ADARB2: variants seen among roughly 807,000 people sequenced by gnomAD.
The protein encoded by ADARB2 is inactive double-stranded RNA-specific editase B2.
A neutral mutation model predicts 62.2 loss-of-function variants in ADARB2; 25 were observed. That is an observed-to-expected ratio of 0.40 (90% CI 0.29 to 0.56). ADARB2 has a LOEUF of 0.56. ADARB2 is among the 20% of genes least tolerant of loss of function. The pLI is 0.43. For synonymous variants in ADARB2, 572 were observed against 500.8 expected (o/e 1.14, Z -1.90); for missense variants, 1,071 against 1,077.4 (o/e 0.99, Z 0.08).
intron 2 of ADARB2, among the ~76,000 whole-genome samples, chr10:1,378,415 G>C (rs1564274307): frequency 6.6e-6 from 1 of 152,104 alleles, no homozygotes; most frequent in East Asian, 1.9e-4. Context: ...AAAAACAAAG[G>C]AAGGAGAGGA....
At chr10:1,241,087 C>T (rs935581244) in intron 5 of ADARB2, among the ~76,000 whole-genome samples, 7 of 152,070 alleles carry the variant, frequency 4.6e-5, no homozygotes, top group African/African-American at 1.2e-4. Context: ...GATGAAACCC[C>T]GTCTCTACTA....
At position 1,678,350 on chromosome 10, in the gene ADARB2, C is replaced by T. The variant is rs531368945; in HGVS notation, c.100+58701G>A. 6.5e-5 allele frequency: 64 copies of T among 985,020 alleles called. 1 individual carries two copies. The Admixed American group carries it at 2.4e-3, about 37-fold the overall frequency. 61.0% of individuals were successfully genotyped at this position (985,020 alleles called of 1,614,324 possible). Reference sequence around the variant, plus strand: ...TGAACATCCTCGGGGTGAGGGACCTCGGAGTGAGTGACCTCGGGGTGAGCA... The same window carrying T: ...TGAACATCCTCGGGGTGAGGGACCTTGGAGTGAGTGACCTCGGGGTGAGCA... On this transcript the variant is annotated intron_variant, in intron 1 of 9. Coordinates refer to ENST00000381312, the MANE Select transcript of ADARB2 (RefSeq NM_018702.4).
intron 4 of ADARB2, among the ~76,000 whole-genome samples, chr10:1,244,063 C>T (rs1417994336): frequency 1.3e-5 from 2 of 152,260 alleles, no homozygotes; most frequent in African/African-American, 4.8e-5. Flanking sequence ...CTCTCTCAGC[C>T]ATCCTGGGTG....
intron 1 of ADARB2, among the ~76,000 whole-genome samples, chr10:1,683,630 C>G (rs1365893904): frequency 6.6e-6 from 1 of 152,110 alleles, no homozygotes; most frequent in East Asian, 1.9e-4. Context: ...CCAGACTCAC[C>G]AGGTAACTGT....
At chr10:1,368,001 G>T (rs2131853229) in intron 2 of ADARB2, among the ~76,000 whole-genome samples, 1 of 152,322 alleles carries the variant, frequency 6.6e-6, no homozygotes, top group East Asian at 1.9e-4. Flanking sequence ...GGACACACCA[G>T]CTGGGCCCTC....
chr10:1,250,747 A>G (rs1298197350), intron 4 of ADARB2, among the ~76,000 whole-genome samples: 1 of 152,202 alleles, frequency 6.6e-6, no homozygotes, highest in Non-Finnish European at 1.5e-5. Context: ...TAAGATAGTT[A>G]TTTGTTTTTA....
intron 1 of ADARB2, among the ~76,000 whole-genome samples, chr10:1,537,837 A>C (rs11250602): frequency 6.6e-6 from 1 of 151,940 alleles, no homozygotes; most frequent in Non-Finnish European, 1.5e-5. Flanking sequence ...GGGGAGGGAC[A>C]GCATTAGGAC....
At chr10:1,399,425 A>G (rs955135667) in intron 1 of ADARB2, among the ~76,000 whole-genome samples, 3 of 150,694 alleles carry the variant, frequency 2.0e-5, no homozygotes, top group Admixed American at 2.0e-4. Context: ...GAATCTGGCC[A>G]ATCATATCTT....
At chr10:1,580,469 C>G (rs1833081189) in intron 1 of ADARB2, among the ~76,000 whole-genome samples, 1 of 147,284 alleles carries the variant, frequency 6.8e-6, no homozygotes, top group Non-Finnish European at 1.5e-5. Context: ...CTTCACGGGT[C>G]TTTCTTTCTG....
intron 1 of ADARB2, among the ~76,000 whole-genome samples, chr10:1,409,723 G>A (rs1472354799): frequency 8.3e-6 from 1 of 120,576 alleles, no homozygotes; most frequent in Non-Finnish European, 1.9e-5. Flanking sequence ...GTGGTCATGA[G>A]GAAGGATTCT....
At chr10:1,651,729 C>T (rs769268422) in intron 1 of ADARB2, among the ~76,000 whole-genome samples, 3 of 151,848 alleles carry the variant, frequency 2.0e-5, no homozygotes, top group South Asian at 2.1e-4. Flanking sequence ...ACTGCCTGAG[C>T]GTGGTGGGCG....
intron 3 of ADARB2, among the ~76,000 whole-genome samples, chr10:1,289,783 C>T (rs1316092962): frequency 2.6e-5 from 4 of 152,268 alleles, no homozygotes; most frequent in African/African-American, 7.2e-5. Flanking sequence ...CTTCACTCCA[C>T]GGTGGGTGTG....
At chr10:1,385,710 G>T (rs953747819) in intron 1 of ADARB2, among the ~76,000 whole-genome samples, 4 of 152,028 alleles carry the variant, frequency 2.6e-5, no homozygotes, top group African/African-American at 9.7e-5. Flanking sequence ...AAACTGTTAA[G>T]GTAGAAAATA....
intron 1 of ADARB2, among the ~76,000 whole-genome samples, chr10:1,542,150 C>G (rs1456469702): frequency 3.2e-5 from 1 of 31,302 alleles, no homozygotes; most frequent in East Asian, 1.1e-3. Flanking sequence ...CGTCCAGACC[C>G]CACTCAGACG....
chr10:1,348,287 G>C (rs1832099924), intron 3 of ADARB2, among the ~76,000 whole-genome samples: 1 of 152,176 alleles, frequency 6.6e-6, no homozygotes, highest in Non-Finnish European at 1.5e-5. Flanking sequence ...CTGTGCTCGT[G>C]GAAAGCTGAT....
rs1832818309 is a variant in ADARB2, at chr10:1,563,638, T to C, written c.100+173413A>G. Among the ~76,000 whole-genome samples, 3 of 151,104 alleles carry C rather than the reference T, an allele frequency of 2.0e-5. No individual in the cohort carries two copies. The South Asian group carries it at 6.3e-4, about 31-fold the overall frequency. On this transcript the variant is annotated intron_variant, in intron 1 of 9. Coordinates refer to ENST00000381312, the MANE Select transcript of ADARB2 (RefSeq NM_018702.4). ...ACATTTCATTTTACTTTTTTTTTTA[T>C]TATTATTATACTTTAAGTTTTAGGG...
chr10:1,331,080 A>G (rs1360781156), intron 3 of ADARB2, among the ~76,000 whole-genome samples: 1 of 152,188 alleles, frequency 6.6e-6, no homozygotes, highest in Non-Finnish European at 1.5e-5. Flanking sequence ...ATGAGACACC[A>G]TTTCACACCC....
chr10:1,288,413 T>C (rs1266918489), intron 3 of ADARB2, among the ~76,000 whole-genome samples: 1 of 152,230 alleles, frequency 6.6e-6, no homozygotes, highest in African/African-American at 2.4e-5. Context: ...GCGAGTGTCA[T>C]TTCTGTTCAT....
chr10:1,535,183 G>A (rs891737965), intron 1 of ADARB2, among the ~76,000 whole-genome samples: 4 of 152,188 alleles, frequency 2.6e-5, no homozygotes, highest in Admixed American at 1.3e-4. Context: ...ACGGTCACGC[G>A]TGTGCTGGGA....
Sources: allele counts gnomAD v4.1 joint callset (sites outside exome capture counted in the v4.1 genomes callset), GRCh38; gene constraint gnomAD v4.1.1; transcripts MANE v1.5; gene names NCBI Gene and HGNC (gene_info 2026-07-23, HGNC 2026-07-21).